DPH6: variants seen among roughly 807,000 people sequenced by gnomAD.
The protein encoded by DPH6 is diphthamine biosynthesis 6, also known as diphthine--ammonia ligase.
In DPH6, 33 loss-of-function variants were observed where a neutral mutation model predicts 38.2. The ratio of observed to expected loss-of-function variants is 0.86; its 90% confidence interval spans 0.65 to 1.15. The LOEUF is 1.15. Among genes scored for constraint, DPH6 ranks in the 50% most tolerant of loss-of-function variants. The pLI, the probability that DPH6 is intolerant of heterozygous loss-of-function variation, is 0.00. For synonymous variants in DPH6, 108 were observed against 103.0 expected, an observed-to-expected ratio of 1.05 and a Z score of -0.30; for missense variants, 325 against 320.0, an observed-to-expected ratio of 1.02 and a Z score of -0.12.
chr15:35,280,436 T>C (rs1286786781), intron 3 of DPH6, among the ~76,000 whole-genome samples: 1 of 152,086 alleles, frequency 6.6e-6, no homozygotes, highest in Non-Finnish European at 1.5e-5. Context: ...GGAAGAGAAG[T>C]GATTTAAGCT....
intron 5 of DPH6, among the ~76,000 whole-genome samples, chr15:35,448,748 T>C (rs2053889038): frequency 6.6e-6 from 1 of 152,124 alleles, no homozygotes; most frequent in African/African-American, 2.4e-5. Context: ...ACACTATTGC[T>C]TCAGTCAATA....
chr15:35,341,013 CT>C (rs1479615190), intron 3 of DPH6, among the ~76,000 whole-genome samples: 2 of 152,058 alleles, frequency 1.3e-5, no homozygotes, highest in African/African-American at 4.8e-5. Flanking sequence ...TATGGGTACC[CT>C]GATCAATAGT....
chr15:35,191,082 T>C, the DPH6 span, among the ~76,000 whole-genome samples: 2 of 152,198 alleles, frequency 1.3e-5, no homozygotes, highest in Non-Finnish European at 2.9e-5. Flanking sequence ...TTTCTTTTAA[T>C]AGTTTGTTCT....
At chr15:35,213,539 T>C (rs2051397250), downstream of DPH6, among the ~76,000 whole-genome samples, 1 of 152,232 alleles carries the variant, frequency 6.6e-6, no homozygotes, top group African/African-American at 2.4e-5. Flanking sequence ...AGCAGGCTTT[T>C]CTTAAATATT....
chr15:35,372,704 T>C (rs920704243), intron 8 of DPH6, among the ~76,000 whole-genome samples: 5 of 151,878 alleles, frequency 3.3e-5, no homozygotes, highest in Admixed American at 2.0e-4. Context: ...AACCCTCTCA[T>C]CTTGAGATTT....
chr15:35,347,780 G>A (rs1658336195), intron 3 of DPH6, among the ~76,000 whole-genome samples: 1 of 151,840 alleles, frequency 6.6e-6, no homozygotes, highest in South Asian at 2.1e-4. Context: ...GTGCATGAGG[G>A]TTCCAATTTC....
chr15:35,492,900 A>G (rs2054503279), intron 3 of DPH6, among the ~76,000 whole-genome samples: 1 of 152,106 alleles, frequency 6.6e-6, no homozygotes, highest in South Asian at 2.1e-4. Context: ...AAAGGTATAG[A>G]AAAAAAAGAA....
intron 3 of DPH6, chr15:35,298,393 G>A (rs558584248): frequency 1.7e-5 from 12 of 716,612 alleles, no homozygotes; most frequent in Non-Finnish European, 2.6e-5. Flanking sequence ...AAAAATATCC[G>A]TACTGCTTCA....
intron 3 of DPH6, among the ~76,000 whole-genome samples, chr15:35,301,995 A>T (rs903443047): frequency 3.9e-5 from 6 of 152,104 alleles, no homozygotes; most frequent in African/African-American, 1.4e-4. Flanking sequence ...AATAATAATT[A>T]AAAAGATTTA....
intron 5 of DPH6, 144 bp downstream of exon 5, chr15:35,450,541 G>A (rs2053918953): frequency 1.5e-6 from 1 of 682,498 alleles, no homozygotes; most frequent in Non-Finnish European, 2.5e-6. Context: ...TTTATGCAAG[G>A]AAGGTGCTTA....
chr15:35,525,020 G>C (rs921543600), intron 3 of DPH6, among the ~76,000 whole-genome samples: 3 of 152,014 alleles, frequency 2.0e-5, no homozygotes, highest in Admixed American at 1.3e-4. Context: ...TACTTCTTAT[G>C]GACAGGGCAC....
intron 3 of DPH6, among the ~76,000 whole-genome samples, chr15:35,321,979 G>T (rs1455631005): frequency 5.9e-5 from 9 of 152,094 alleles, no homozygotes; most frequent in Admixed American, 4.6e-4. Context: ...GTGGTCAGGG[G>T]GCCAGGAAAT....
chr15:35,463,992 C>T (rs914867861), intron 3 of DPH6, among the ~76,000 whole-genome samples: 2 of 151,958 alleles, frequency 1.3e-5, no homozygotes, highest in Non-Finnish European at 2.9e-5. Context: ...GAGGAATGGA[C>T]ACATAAAGAA....
At chr15:35,154,176 TA>T in the DPH6 span, among the ~76,000 whole-genome samples, 1 of 152,170 alleles carries the variant, frequency 6.6e-6, no homozygotes, top group African/African-American at 2.4e-5. Context: ...AGAGGGTTTT[TA>T]ATGTTTTCAC....
chr15:35,298,742 G>A (rs937208697), intron 3 of DPH6: 1 of 1,561,108 alleles, frequency 6.4e-7, no homozygotes, highest in Middle Eastern at 1.9e-4. Flanking sequence ...GTGCGCCACC[G>A]TGCCCCCCAA....
intron 3 of DPH6, among the ~76,000 whole-genome samples, chr15:35,496,827 G>A (rs2054565533): frequency 6.6e-6 from 1 of 151,656 alleles, no homozygotes; most frequent in East Asian, 2.0e-4. Context: ...CTTTTACTCT[G>A]GGCACTGCAG....
intron 3 of DPH6, among the ~76,000 whole-genome samples, chr15:35,485,465 C>A (rs2054384836): frequency 6.6e-6 from 1 of 152,208 alleles, no homozygotes; most frequent in African/African-American, 2.4e-5. Context: ...TCACCCCTTG[C>A]TCAAAACATC....
intron 5 of DPH6, among the ~76,000 whole-genome samples, chr15:35,438,736 G>T (rs534750038): frequency 1.3e-5 from 2 of 152,298 alleles, no homozygotes; most frequent in African/African-American, 2.4e-5. Context: ...CTTTTAAAGG[G>T]AAGATAAAAA....
chr15:35,400,042 G>A (rs1012804136), intron 6 of DPH6, among the ~76,000 whole-genome samples: 3 of 152,192 alleles, frequency 2.0e-5, no homozygotes, highest in Non-Finnish European at 2.9e-5. Context: ...ACCTGGTTCA[G>A]ATTAGATCAA....
Sources: allele counts gnomAD v4.1 joint callset (sites outside exome capture counted in the v4.1 genomes callset), GRCh38; gene constraint gnomAD v4.1.1; transcripts MANE v1.5; gene names NCBI Gene and HGNC (gene_info 2026-07-23, HGNC 2026-07-21).